The following TEX26 variants were observed in gnomAD, a reference collection of about 807,000 sequenced individuals.
The protein encoded by TEX26 is testis-expressed protein 26.
In TEX26, 34 loss-of-function variants were observed where a neutral mutation model predicts 35.3. That is an observed-to-expected ratio of 0.96 (90% CI 0.73 to 1.28). The LOEUF (loss-of-function observed/expected upper bound fraction) is 1.28, where lower values mean the gene tolerates loss of function less well. Among genes scored for constraint, TEX26 ranks in the 50% most tolerant of loss-of-function variants. The pLI is 0.00. For synonymous variants in TEX26, 136 were observed against 111.8 expected (o/e 1.22, Z -1.36); for missense variants, 371 against 330.1 (o/e 1.12, Z -0.96).
Position 30,944,030 on chromosome 13 carries a change from G to A in TEX26, c.146+4252G>A, listed in dbSNP as rs531380483. Among the ~76,000 whole-genome samples, 8 of 152,046 alleles carry A rather than the reference G, an allele frequency of 5.3e-5. No homozygotes were observed. In the East Asian group the frequency reaches 9.7e-4, roughly 18 times the overall value. On this transcript the variant is annotated intron_variant, in intron 2 of 6. Transcript: ENST00000380473. ...TTTTGGAATAGTTTCAGTAGGATTG[G>A]CACCAATTCTTCTTTGAACATCTGA...
intron 2 of TEX26, among the ~76,000 whole-genome samples, chr13:30,948,152 G>A (rs1007077860): frequency 6.6e-6 from 1 of 152,082 alleles, no homozygotes; most frequent in Admixed American, 6.5e-5. Flanking sequence ...TGGGACATTT[G>A]GGTTGGTTCC....
chr13:30,952,760 A>G lies in TEX26; in HGVS notation c.247A>G (p.Lys83Glu), dbSNP rs755350000. The G allele has an allele frequency of 1.2e-6, 2 of 1,613,120 alleles. No individual in the cohort carries two copies. Among genetic ancestry groups the G allele is most frequent in the Non-Finnish European group, 1.7e-6 (2 of 1,179,532 alleles). Residue 83 changes from lysine to glutamate, a missense_variant, in exon 3 of 7, where the codon AAA (lysine) becomes GAA (glutamate). Lys to Glu is a moderately conservative substitution (Grantham distance 56). Coordinates refer to ENST00000380473, the MANE Select transcript of TEX26 (RefSeq NM_152325.3). The stretch of plus-strand genomic sequence containing the variant: ...TGAGTACACTTGGAAATCACACTCT[A>G]AAGAAGATTTGATCAAAACTGAGAC... Reference protein sequence around the residue: ...SDEYTWKSHSKEDLIKTETSR... With the variant: ...SDEYTWKSHSEEDLIKTETSR...
At chr13:30,950,941 C>A (rs755524205) in intron 2 of TEX26, among the ~76,000 whole-genome samples, 1 of 152,194 alleles carries the variant, frequency 6.6e-6, no homozygotes, top group Non-Finnish European at 1.5e-5. Context: ...GAAGAAAGAA[C>A]CCACATACAT....
chr13:30,971,227 A>C (rs1246121435), intron 6 of TEX26, among the ~76,000 whole-genome samples: 1 of 152,224 alleles, frequency 6.6e-6, no homozygotes, highest in Non-Finnish European at 1.5e-5. Flanking sequence ...TGTGTCAGGC[A>C]TGGCACTGAT....
chr13:30,958,788 A>C (rs372504493), intron 4 of TEX26, among the ~76,000 whole-genome samples: 25 of 152,290 alleles, frequency 1.6e-4, no homozygotes, highest in African/African-American at 5.3e-4. Flanking sequence ...ACTGTAGTAT[A>C]TCCCGTCTAG....
chr13:30,969,141 G>A, intron 6 of TEX26, 95 bp downstream of exon 6: 2 of 1,083,430 alleles, frequency 1.8e-6, no homozygotes, highest in South Asian at 2.4e-5. Context: ...GGAGTTGAAT[G>A]CCCACAAAAA....
At chr13:30,946,599 T>G (rs1953719918) in intron 2 of TEX26, among the ~76,000 whole-genome samples, 1 of 151,958 alleles carries the variant, frequency 6.6e-6, no homozygotes, top group Admixed American at 6.6e-5. Context: ...TGAATTTATT[T>G]TTTATTTGAT....
At chr13:30,939,812 G>A in intron 2 of TEX26, 34 bp downstream of exon 2, 2 of 1,556,954 alleles carry the variant, frequency 1.3e-6, no homozygotes, top group Non-Finnish European at 1.8e-6. Context: ...TGATATACAT[G>A]TTTTAATTTG....
At chr13:30,940,523 G>A (rs1332925426) in intron 2 of TEX26, among the ~76,000 whole-genome samples, 1 of 151,368 alleles carries the variant, frequency 6.6e-6, no homozygotes, top group East Asian at 2.0e-4. Flanking sequence ...TTAGTAGAGA[G>A]AGGGTTTCAC....
In TEX26 at chr13:30,939,710, G is replaced by C. The variant is rs759768784; in HGVS notation, c.78G>C (p.Trp26Cys). Residue 26 changes from tryptophan (W) to cysteine (C), a missense_variant, in exon 2 of 7, where the codon TGG becomes TGC. Trp to Cys is a radical substitution (Grantham distance 215). Transcript: ENST00000380473. ...HNLQPTDDPN[W>C]DSYATTMRTA... ...TACTTTTAGCAGATGACCCCAACTG[G>C]GATTCCTATGCTACCACTATGAGGA... is the stretch of plus-strand genomic sequence containing the variant. 24 of 1,613,780 alleles carry C rather than the reference G, an allele frequency of 1.5e-5. 2 individuals carry two copies. The Admixed American group carries it at 3.2e-4, about 21-fold the overall frequency.
chr13:30,975,000 G>A lies in TEX26; in HGVS notation c.*93G>A. The A allele has an allele frequency of 1.2e-6, 1 of 817,312 alleles. No homozygotes were observed. Among genetic ancestry groups the A allele is most frequent in the Non-Finnish European group, 1.9e-6 (1 of 531,872 alleles). The allele number at this position is 817,312 out of a possible 1,614,324, so 50.6% of individuals were successfully genotyped here. A position where few individuals can be genotyped will look rare whatever the true frequency, so the allele number is the denominator to read the frequency against. On this transcript the variant is annotated 3_prime_UTR_variant, in exon 7 of 7. Transcript: ENST00000380473. ...TTTCTCAATTATCAAGGAAAAATAA[G>A]ATGCAAATAGCTTCAAGTATGATGT...
At chr13:30,955,106 C>T (rs926195418) in intron 3 of TEX26, among the ~76,000 whole-genome samples, 3 of 76,440 alleles carry the variant, frequency 3.9e-5, no homozygotes, top group Non-Finnish European at 8.6e-5. Context: ...TTCCCTGGGC[C>T]ACAGTGGAAG....
intron 2 of TEX26, among the ~76,000 whole-genome samples, chr13:30,944,581 G>A (rs1209842306): frequency 6.6e-6 from 1 of 151,980 alleles, no homozygotes; most frequent in Non-Finnish European, 1.5e-5. Flanking sequence ...GGCATTTAGT[G>A]CTATAAACTT....
chr13:30,964,561 T>C (rs1021368348), intron 4 of TEX26, among the ~76,000 whole-genome samples: 1 of 152,182 alleles, frequency 6.6e-6, no homozygotes, highest in Non-Finnish European at 1.5e-5. Flanking sequence ...AGTATTTCAG[T>C]GGAAATTTGT....
At position 30,937,124 on chromosome 13, in the gene TEX26, A is replaced by G. The variant is rs576861334; in HGVS notation, c.62-2570A>G. On this transcript the variant is annotated intron_variant, in intron 1 of 6. Coordinates refer to ENST00000380473, the MANE Select transcript of TEX26 (RefSeq NM_152325.3). ...GGGTGTGCCTGATCTGTACAAAGGTAACAATGGAAGAGGGAGGCTCTCATG... is the reference window on the plus strand; with the variant it reads ...GGGTGTGCCTGATCTGTACAAAGGTGACAATGGAAGAGGGAGGCTCTCATG... 2.6e-5 allele frequency among the ~76,000 whole-genome samples: 4 copies of G among 152,276 alleles called. No homozygotes were observed. In the East Asian group the frequency reaches 7.7e-4, roughly 29 times the overall value.
chr13:30,939,856 CAT>C (rs1282079070), intron 2 of TEX26, 78 bp downstream of exon 2: 27 of 1,286,438 alleles, frequency 2.1e-5, no homozygotes, highest in Non-Finnish European at 3.0e-5. Flanking sequence ...AATCCAAACA[CAT>C]AGACAGTAAT....
intron 2 of TEX26, among the ~76,000 whole-genome samples, chr13:30,947,154 A>T (rs1953741205): frequency 6.6e-6 from 1 of 152,200 alleles, no homozygotes; most frequent in Non-Finnish European, 1.5e-5. Context: ...GCTCAAAGCA[A>T]TAAATACATT....
At position 30,961,917 on chromosome 13, in the gene TEX26, T is replaced by C. The variant is rs184661936; in HGVS notation, c.470-4305T>C. ...TTTGGCCTCTAACTGTTAGAGTTTC[T>C]GATTCCTTTAAAGAACAACTATCCT... On this transcript the variant is annotated intron_variant, in intron 4 of 6. Transcript: ENST00000380473. Among the ~76,000 whole-genome samples the C allele has an allele frequency of 3.6e-3, 555 of 152,318 alleles. 12 individuals are homozygous for C. The highest frequency in any genetic ancestry group is 6.9e-4 in the Non-Finnish European group (47 of 68,030).
chr13:30,963,166 CT>C (rs1356090865), intron 4 of TEX26, among the ~76,000 whole-genome samples: 2 of 152,198 alleles, frequency 1.3e-5, no homozygotes, highest in Non-Finnish European at 2.9e-5. Context: ...TGAAGACTTA[CT>C]TTTGGTTTGG....
Sources: gnomAD v4.1 joint callset for allele counts (sites outside exome capture counted in the v4.1 genomes callset) on GRCh38, gnomAD v4.1.1 for gene constraint, MANE v1.5 for transcripts, NCBI Gene and HGNC (gene_info 2026-07-23, HGNC 2026-07-21) for gene names.